IGFL2: variants seen among roughly 807,000 people sequenced by gnomAD.
IGFL2 encodes IGF like family member 2, also known as insulin growth factor-like family member 2.
Under a neutral mutation model 13.9 loss-of-function variants are expected in IGFL2, and 7 were observed. The observed-to-expected ratio is 0.51, with a 90% CI of 0.29 to 0.95. The LOEUF (loss-of-function observed/expected upper bound fraction) is 0.95, where lower values mean the gene tolerates loss of function less well. IGFL2 is among the 40% of genes least tolerant of loss of function. IGFL2 has a pLI of 0.08. For missense variants in IGFL2, 138 were observed against 147.8 expected (o/e 0.93, Z 0.34); for synonymous variants, 55 against 55.8 (o/e 0.99, Z 0.07).
chr19:46,090,658 G>A, the IGFL2 span, among the ~76,000 whole-genome samples: 1 of 152,194 alleles, frequency 6.6e-6, no homozygotes, highest in African/African-American at 2.4e-5. Flanking sequence ...GGCTTCTGAG[G>A]CTGGCACAGA....
chr19:46,105,030 C>T, the IGFL2 span, among the ~76,000 whole-genome samples: 1 of 152,178 alleles, frequency 6.6e-6, no homozygotes, highest in African/African-American at 2.4e-5. Flanking sequence ...GCTGCTTCTT[C>T]AGCTACCTAA....
upstream of IGFL2, among the ~76,000 whole-genome samples, chr19:46,144,523 CTG>C (rs1446816454): frequency 3.9e-5 from 6 of 152,106 alleles, no homozygotes; most frequent in African/African-American, 1.2e-4. Flanking sequence ...TGTTTATTTT[CTG>C]TGTCTTCTAA....
At chr19:46,174,286 A>T in the IGFL2 span, among the ~76,000 whole-genome samples, 1 of 152,236 alleles carries the variant, frequency 6.6e-6, no homozygotes, top group East Asian at 1.9e-4. Flanking sequence ...ATTTCAACAC[A>T]GTGACAGCAG....
the IGFL2 span, among the ~76,000 whole-genome samples, chr19:46,204,449 A>G: frequency 1.3e-5 from 2 of 152,126 alleles, no homozygotes; most frequent in Admixed American, 6.5e-5. Context: ...TATGACCAAC[A>G]GATGTTGGAG....
the IGFL2 span, among the ~76,000 whole-genome samples, chr19:46,110,023 C>A: frequency 6.6e-6 from 1 of 152,182 alleles, no homozygotes; most frequent in Non-Finnish European, 1.5e-5. Flanking sequence ...TAACAAAGGT[C>A]ACAAGACATG....
chr19:46,160,493 G>T lies in IGFL2; in HGVS notation c.73+25G>T, dbSNP rs369887506. The T allele has an allele frequency of 6.8e-6, 11 of 1,613,568 alleles. No homozygotes were observed. The African/African-American group carries it at 1.3e-4, about 20-fold the overall frequency. On this transcript the variant is annotated intron_variant, in intron 2 of 3. Coordinates refer to ENST00000377693, the MANE Select transcript of IGFL2 (RefSeq NM_001135113.2). ...GGTGAGTACAAGGATGGGCAAGAGT[G>T]AAGAGGAAGGAGGCTGACTTTGGAA... is the stretch of plus-strand genomic sequence containing the variant.
chr19:46,128,900 A>C, the IGFL2 span, among the ~76,000 whole-genome samples: 1 of 152,168 alleles, frequency 6.6e-6, no homozygotes, highest in Admixed American at 6.5e-5. Flanking sequence ...AATTTTTTGG[A>C]ATACTTTCAG....
chr19:46,202,715 A>C, the IGFL2 span: 1 of 152,258 alleles, frequency 6.6e-6, no homozygotes, highest in Non-Finnish European at 1.5e-5. Flanking sequence ...GTTCATGGAC[A>C]AAACGTGTCT....
chr19:46,127,590 G>A, the IGFL2 span, among the ~76,000 whole-genome samples: 2 of 152,004 alleles, frequency 1.3e-5, no homozygotes, highest in Non-Finnish European at 2.9e-5. Context: ...GTTCTTAAAC[G>A]GATGTATAGG....
the IGFL2 span, among the ~76,000 whole-genome samples, chr19:46,090,211 A>G: frequency 6.6e-6 from 1 of 152,056 alleles, no homozygotes; most frequent in Non-Finnish European, 1.5e-5. Context: ...TTTTAAAATT[A>G]TTTCAGTCTT....
chr19:46,137,616 G>T, the IGFL2 span: 2 of 920,296 alleles, frequency 2.2e-6, no homozygotes, highest in South Asian at 1.3e-5. Flanking sequence ...ATGAGTCAGT[G>T]CAGAGGAGCA....
At chr19:46,149,212 C>T (rs1281162461) in intron 1 of IGFL2, among the ~76,000 whole-genome samples, 1 of 150,360 alleles carries the variant, frequency 6.7e-6, no homozygotes, top group Non-Finnish European at 1.5e-5. Context: ...CTTTCTCTCT[C>T]CCTCTCTTTT....
the IGFL2 span, among the ~76,000 whole-genome samples, chr19:46,200,103 C>T: frequency 2.6e-5 from 4 of 152,274 alleles, no homozygotes; most frequent in African/African-American, 4.8e-5. Context: ...CTGTCCACCT[C>T]GGCCTCCCAA....
At chr19:46,080,723 G>T in the IGFL2 span, among the ~76,000 whole-genome samples, 1 of 152,210 alleles carries the variant, frequency 6.6e-6, no homozygotes, top group African/African-American at 2.4e-5. Context: ...CTTCTGTCAG[G>T]AAAGAGTCAG....
the IGFL2 span, among the ~76,000 whole-genome samples, chr19:46,112,642 G>C: frequency 6.6e-6 from 1 of 152,208 alleles, no homozygotes; most frequent in East Asian, 1.9e-4. Flanking sequence ...AAACTTGTTT[G>C]ACCTTAGAAC....
chr19:46,180,304 G>A, the IGFL2 span, among the ~76,000 whole-genome samples: 1 of 150,926 alleles, frequency 6.6e-6, no homozygotes, highest in Non-Finnish European at 1.5e-5. Flanking sequence ...ACAGCCTCAC[G>A]AGTAGCTGGA....
chr19:46,079,397 C>CA, the IGFL2 span, among the ~76,000 whole-genome samples: 1 of 152,216 alleles, frequency 6.6e-6, no homozygotes, highest in African/African-American at 2.4e-5. Flanking sequence ...AAATGGAGCT[C>CA]AGCGAGTCGT....
the IGFL2 span, among the ~76,000 whole-genome samples, chr19:46,084,554 T>C: frequency 6.6e-6 from 1 of 152,208 alleles, no homozygotes; most frequent in South Asian, 2.1e-4. Flanking sequence ...TGACTCACAA[T>C]TATGCAAGCT....
chr19:46,088,432 C>G, the IGFL2 span, among the ~76,000 whole-genome samples: 9 of 152,226 alleles, frequency 5.9e-5, no homozygotes, highest in Middle Eastern at 6.8e-3. Flanking sequence ...GTCTCAATAT[C>G]AAAACAACTA....
Sources: gnomAD v4.1 joint callset for allele counts (sites outside exome capture counted in the v4.1 genomes callset) on GRCh38, gnomAD v4.1.1 for gene constraint, MANE v1.5 for transcripts, NCBI Gene and HGNC (gene_info 2026-07-23, HGNC 2026-07-21) for gene names.